The following STXBP5 variants were observed in gnomAD, a reference collection of about 807,000 sequenced individuals.
STXBP5 encodes syntaxin-binding protein 5.
A neutral mutation model predicts 152.4 loss-of-function variants in STXBP5; 50 were observed. That is an observed-to-expected ratio of 0.33 (90% CI 0.26 to 0.42). STXBP5 has a LOEUF of 0.42. Ranked by LOEUF, STXBP5 falls within the 10% of genes least tolerant of loss-of-function variation. STXBP5 has a pLI of 1.00. For synonymous variants in STXBP5, 492 were observed against 494.7 expected (o/e 0.99, Z 0.07); for missense variants, 1,167 against 1,388.6 (o/e 0.84, Z 2.54).
chr6:147,344,163 G>A (rs1784212129), intron 21 of STXBP5, among the ~76,000 whole-genome samples: 2 of 152,020 alleles, frequency 1.3e-5, no homozygotes, highest in African/African-American at 4.8e-5. Context: ...ATTTTTGAAT[G>A]TATTTTCTGT....
At chr6:147,311,407 G>C (rs1475203795) in intron 10 of STXBP5, 48 bp from the exon 11 acceptor site, 1 of 1,468,168 alleles carries the variant, frequency 6.8e-7, no homozygotes, top group Admixed American at 1.7e-5. Flanking sequence ...CTAATTTGCT[G>C]TCCACTTGCA....
At chr6:147,235,797 T>C (rs988544445) in intron 3 of STXBP5, among the ~76,000 whole-genome samples, 2 of 152,284 alleles carry the variant, frequency 1.3e-5, no homozygotes, top group South Asian at 4.1e-4. Context: ...CTTTAAGTAA[T>C]TGATGTTGCC....
chr6:147,336,149 T>A (rs551059000), intron 19 of STXBP5, among the ~76,000 whole-genome samples: 1 of 152,216 alleles, frequency 6.6e-6, no homozygotes, highest in African/African-American at 2.4e-5. Context: ...CTGTTTTTTT[T>A]ACAAAAAGTC....
intron 2 of STXBP5, among the ~76,000 whole-genome samples, chr6:147,219,649 T>C (rs1345452819): frequency 1.3e-5 from 2 of 152,112 alleles, no homozygotes; most frequent in Non-Finnish European, 2.9e-5. Flanking sequence ...GTCCATTTCA[T>C]CTGTGTCATC....
intron 8 of STXBP5, among the ~76,000 whole-genome samples, chr6:147,289,144 C>T (rs893994933): frequency 2.0e-5 from 3 of 152,184 alleles, no homozygotes; most frequent in African/African-American, 7.2e-5. Context: ...GAAATGGGTT[C>T]TCCCTGGCGC....
chr6:147,310,880 T>A (rs998999233), intron 10 of STXBP5, among the ~76,000 whole-genome samples: 12 of 152,066 alleles, frequency 7.9e-5, no homozygotes, highest in East Asian at 1.9e-4. Context: ...ATATGTATAT[T>A]TTTTTTTCAC....
intron 4 of STXBP5, among the ~76,000 whole-genome samples, chr6:147,243,402 A>AT (rs1778647470): frequency 6.6e-6 from 1 of 151,934 alleles, no homozygotes. Context: ...AGTTGTCCAG[A>AT]TTTTTTGCCC....
Position 147,267,156 on chromosome 6 carries a change from A to G in STXBP5, c.703A>G (p.Thr235Ala). 6.2e-7 allele frequency: 1 copy of G among 1,603,240 alleles called. No individual in the cohort carries two copies. The change falls in exon 7 of 28, where the codon ACA (threonine) becomes GCA (alanine). Residue 235 changes from threonine to alanine, a missense_variant. Physicochemically the swap from Thr to Ala is moderately conservative, Grantham distance 58. Around this residue, in one of 3 missense-constraint regions of STXBP5, gnomAD observed 310 missense variants for 346.1 expected, o/e 0.90. Coordinates refer to ENST00000321680, the MANE Select transcript of STXBP5 (RefSeq NM_001127715.4). ...ATCAAAGAAAGCCGACTACAGATAC[A>G]CATATGATGAGGTAATATTATTTTT... ...LKSKKADYRYTYDEAIHSVAW... is the reference protein window; with the variant it reads ...LKSKKADYRYAYDEAIHSVAW...
chr6:147,260,839 G>T, intron 5 of STXBP5, 90 bp downstream of exon 5: 1 of 1,421,958 alleles, frequency 7.0e-7, no homozygotes. Flanking sequence ...AATCTGTATG[G>T]AATTAAATAT....
At chr6:147,309,029 G>A (rs1782237353) in intron 9 of STXBP5, among the ~76,000 whole-genome samples, 2 of 152,136 alleles carry the variant, frequency 1.3e-5, no homozygotes, top group South Asian at 2.1e-4. Context: ...GGAACAGAGA[G>A]GGTAAGCAAC....
At chr6:147,207,757 A>G (rs1410658257) in intron 2 of STXBP5, among the ~76,000 whole-genome samples, 1 of 152,080 alleles carries the variant, frequency 6.6e-6, no homozygotes, top group Non-Finnish European at 1.5e-5. Flanking sequence ...TTTTTCCCTT[A>G]TTTTGCTTTT....
Position 147,373,743 on chromosome 6 carries a change from G to C in STXBP5, c.3094G>C (p.Glu1032Gln). 1 of 1,612,612 alleles carries C rather than the reference G, an allele frequency of 6.2e-7. No individual in the cohort carries two copies. Among genetic ancestry groups the C allele is most frequent in the Non-Finnish European group, 8.5e-7 (1 of 1,179,150 alleles). ...TTTGATTTTAAAGGAAATGTTGGGT[G>C]AACTCTTCACTCCTGTAGAAACACC... ...TCENLQEMLGELFTPVETPEA... is the reference protein window; with the variant it reads ...TCENLQEMLGQLFTPVETPEA... The change falls in exon 26 of 28, where the codon GAA becomes CAA. Residue 1032 changes from glutamate (E) to glutamine (Q), a missense_variant. By Grantham distance (29) the Glu-to-Gln change is conservative. Transcript: ENST00000321680.
intron 8 of STXBP5, among the ~76,000 whole-genome samples, chr6:147,279,989 A>C (rs1780625139): frequency 6.6e-6 from 1 of 151,996 alleles, no homozygotes; most frequent in Non-Finnish European, 1.5e-5. Context: ...GAATAGTACA[A>C]AGGATCTTTT....
At chr6:147,354,641 G>T (rs1281781067) in intron 22 of STXBP5, among the ~76,000 whole-genome samples, 1 of 151,886 alleles carries the variant, frequency 6.6e-6, no homozygotes, top group Non-Finnish European at 1.5e-5. Flanking sequence ...AAAAATCTGG[G>T]TAAACACATG....
At chr6:147,291,818 G>A (rs1329668850) in intron 9 of STXBP5, among the ~76,000 whole-genome samples, 2 of 151,342 alleles carry the variant, frequency 1.3e-5, no homozygotes, top group African/African-American at 4.9e-5. Flanking sequence ...TTTTATTTAT[G>A]TTCTAGTTCC....
At chr6:147,318,299 G>C (rs576450689) in intron 16 of STXBP5, among the ~76,000 whole-genome samples, 1 of 152,284 alleles carries the variant, frequency 6.6e-6, no homozygotes, top group African/African-American at 2.4e-5. Context: ...TTAAAGGCCA[G>C]CCTGATAGGT....
At chr6:147,290,168 A>G (rs1281522271) in intron 8 of STXBP5, among the ~76,000 whole-genome samples, 1 of 152,180 alleles carries the variant, frequency 6.6e-6, no homozygotes, top group African/African-American at 2.4e-5. Flanking sequence ...TGTTCATGCC[A>G]CTGTACTCCA....
At position 147,204,667 on chromosome 6, in the gene STXBP5, C is replaced by T. The variant is rs757159776; in HGVS notation, c.135C>T (p.His45=). Residue 45 remains histidine, a synonymous_variant, in exon 1 of 28, where the codon CAC becomes CAT. Transcript: ENST00000321680. The surrounding 1 kb of genome is among the most constrained non-coding windows in gnomAD (Gnocchi z 4.3). ...TCCAGGAAACGCTCCAGTCCGAGCA[C>T]TTTCAGCTCTGCAAGGTGAACGGAG... ...PEIQETLQSE[H]FQLCKTVRHG... is the part of the protein sequence containing the mutation. 1.9e-6 allele frequency: 3 copies of T among 1,603,128 alleles called. No individual in the cohort carries two copies. The highest frequency in any genetic ancestry group is 2.6e-6 in the Non-Finnish European group (3 of 1,174,246).
At chr6:147,384,366 A>G (rs1583022755) in intron 27 of STXBP5, among the ~76,000 whole-genome samples, 1 of 152,258 alleles carries the variant, frequency 6.6e-6, no homozygotes, top group Non-Finnish European at 1.5e-5. Flanking sequence ...TTGAGATGGC[A>G]GGAGGAGTAG....
Sources: allele counts gnomAD v4.1 joint callset (sites outside exome capture counted in the v4.1 genomes callset), GRCh38; gene constraint gnomAD v4.1.1; regional missense constraint gnomAD v4.1.1; non-coding constraint Gnocchi (gnomAD v3.1); transcripts MANE v1.5; gene names NCBI Gene and HGNC (gene_info 2026-07-23, HGNC 2026-07-21).